Variants in PSMG4 observed in about 807,000 individuals in gnomAD.
PSMG4 encodes the protein proteasome assembly chaperone 4.
Under a neutral mutation model 11.0 loss-of-function variants are expected in PSMG4, and 10 were observed. That is an observed-to-expected ratio of 0.91 (90% CI 0.56 to 1.54). The LOEUF is 1.54. PSMG4 is among the 40% of genes most tolerant of loss of function. The pLI is 0.00. For synonymous variants in PSMG4, 95 were observed against 71.3 expected (o/e 1.33, Z -1.68); for missense variants, 198 against 160.9 (o/e 1.23, Z -1.25).
intron 2 of PSMG4, 74 bp downstream of exon 2, chr6:3,263,833 C>T (rs1168111430): frequency 1.5e-5 from 22 of 1,512,056 alleles, no homozygotes; most frequent in African/African-American, 1.4e-4. Flanking sequence ...GAAGCAAGTC[C>T]CTTCGGAAGT....
intron 2 of PSMG4, chr6:3,267,161 T>A (rs1203072776): frequency 7.7e-6 from 1 of 129,366 alleles, no homozygotes; most frequent in Non-Finnish European, 1.6e-5. Context: ...GGCCATTTTT[T>A]GTGTTTAAAT....
chr6:3,265,279 G>A (rs552179229), intron 2 of PSMG4: 32 of 44,384 alleles, frequency 7.2e-4, no homozygotes, highest in African/African-American at 2.0e-3. Flanking sequence ...GGGCCCTCAA[G>A]TTGAAAATGC....
In PSMG4 at chr6:3,263,750, C is replaced by T. The variant is rs1044985944; in HGVS notation, c.241C>T (p.Gln81Ter). Residue 81 changes from glutamine (Q) to a stop codon, truncating the protein, a stop_gained, in exon 2 of 3, where the codon CAG (glutamine) becomes TAG (stop). Coordinates refer to ENST00000438998, the MANE Select transcript of PSMG4 (RefSeq NM_001128591.2). LOFTEE classifies it high-confidence loss of function. Reference protein sequence around the residue: ...TSDTTSTGLAQRLARKTNKQV... With the variant: ...TSDTTSTGLA The stretch of plus-strand genomic sequence containing the variant: ...CGACACGACCTCTACTGGCCTTGCC[C>T]AGCGCCTAGGTATGTACCCACAGCT... 5.2e-6 allele frequency: 8 copies of T among 1,551,264 alleles called. No homozygotes were observed. The highest frequency in any genetic ancestry group is 1.2e-5 in the South Asian group (1 of 84,014).
chr6:3,254,823 C>G (rs866992587), upstream of PSMG4, among the ~76,000 whole-genome samples: 1 of 152,094 alleles, frequency 6.6e-6, no homozygotes, highest in East Asian at 1.9e-4. Flanking sequence ...CAATTCTGGA[C>G]ACAGTGGGAC....
chr6:3,267,187 T>TAA (rs1259743948), intron 2 of PSMG4: 1 of 124,684 alleles, frequency 8.0e-6, no homozygotes, highest in African/African-American at 3.0e-5. Context: ...TTTTTTTTTT[T>TAA]AAATCAAAAC....
Position 3,267,777 on chromosome 6 carries a change from T to C in PSMG4, c.*65T>C. 1 of 1,490,014 alleles carries C rather than the reference T, an allele frequency of 6.7e-7. No individual in the cohort carries two copies. Among genetic ancestry groups the C allele is most frequent in the Non-Finnish European group, 9.1e-7 (1 of 1,099,806 alleles). 92.3% of individuals were successfully genotyped at this position (1,490,014 alleles called of 1,614,324 possible). ...TGTACGTGTAAATAAATGGATTGAATTTCAGTTTGTCATCAGGCCGCGCTC... is the reference window on the plus strand; with the variant it reads ...TGTACGTGTAAATAAATGGATTGAACTTCAGTTTGTCATCAGGCCGCGCTC... On this transcript the variant is annotated 3_prime_UTR_variant, in exon 3 of 3. Transcript: ENST00000438998.
upstream of PSMG4, chr6:3,255,011 G>A (rs78032386): frequency 2.6e-6 from 4 of 1,544,264 alleles, no homozygotes; most frequent in Non-Finnish European, 2.6e-6. Context: ...CTCCCATGTG[G>A]GAGCGCTGGG....
upstream of PSMG4, among the ~76,000 whole-genome samples, chr6:3,257,189 G>T (rs148897081): frequency 3.4e-4 from 52 of 152,292 alleles, no homozygotes; most frequent in African/African-American, 1.3e-3. Flanking sequence ...CTTGGGTTTG[G>T]GTCAGCTCAG....
upstream of PSMG4, chr6:3,255,083 TAAG>T (rs2127251661): frequency 1.3e-6 from 2 of 1,551,042 alleles, no homozygotes; most frequent in East Asian, 2.4e-5. Context: ...CTTCTATTCC[TAAG>T]AAGTTGGCTG....
At chr6:3,255,438 C>G (rs961609664), upstream of PSMG4, among the ~76,000 whole-genome samples, 2 of 124,814 alleles carry the variant, frequency 1.6e-5, no homozygotes, top group Non-Finnish European at 3.8e-5. Context: ...GCCACATGCC[C>G]CTTCTCAGAC....
At chr6:3,257,341 A>G (rs1479773001), upstream of PSMG4, among the ~76,000 whole-genome samples, 1 of 152,074 alleles carries the variant, frequency 6.6e-6, no homozygotes, top group Non-Finnish European at 1.5e-5. Context: ...GCAAAGCTGG[A>G]GAGAGAGAGG....
intron 2 of PSMG4, 71 bp from the exon 3 acceptor site, chr6:3,267,520 A>G: frequency 6.6e-7 from 1 of 1,517,644 alleles, no homozygotes; most frequent in Non-Finnish European, 8.9e-7. Flanking sequence ...TCCCAGCTGC[A>G]CGTGGCTGTG....
Position 3,258,961 on chromosome 6 carries a change from G to A in PSMG4, c.-62G>A, listed in dbSNP as rs1757855907. On this transcript the variant is annotated 5_prime_UTR_variant, in exon 1 of 3. Coordinates refer to ENST00000438998, the MANE Select transcript of PSMG4 (RefSeq NM_001128591.2). Reference sequence around the variant, plus strand: ...TCTCGGTGCTCGCTCCATCGGGTCTGGCGGGGCTGGCAGCGGCGAGGACCC... The same window carrying A: ...TCTCGGTGCTCGCTCCATCGGGTCTAGCGGGGCTGGCAGCGGCGAGGACCC... 1 of 1,226,824 alleles carries A rather than the reference G, an allele frequency of 8.2e-7. No individual in the cohort carries two copies. Among genetic ancestry groups the A allele is most frequent in the Non-Finnish European group, 1.0e-6 (1 of 981,060 alleles). The allele number at this position is 1,226,824 out of a possible 1,614,324, so 76.0% of individuals were successfully genotyped here. A position where few individuals can be genotyped will look rare whatever the true frequency, so the allele number is the denominator to read the frequency against.
At chr6:3,263,848 C>T (rs2127262348) in intron 2 of PSMG4, 89 bp downstream of exon 2, 2 of 1,501,158 alleles carry the variant, frequency 1.3e-6, no homozygotes, top group African/African-American at 1.4e-5. Context: ...GGAAGTAAAG[C>T]ATCTTTATGC....
intron 1 of PSMG4, among the ~76,000 whole-genome samples, chr6:3,261,055 G>A (rs1326036205): frequency 1.3e-5 from 2 of 152,116 alleles, no homozygotes; most frequent in African/African-American, 4.8e-5. Context: ...AGTCCCTGTG[G>A]AATGAATGAG....
chr6:3,262,970 A>T (rs901789659), intron 1 of PSMG4, among the ~76,000 whole-genome samples: 9 of 152,130 alleles, frequency 5.9e-5, no homozygotes, highest in Admixed American at 2.0e-4. Flanking sequence ...CTAGCTAGAC[A>T]TTGTTAATGG....
At chr6:3,255,165 C>CGGCTT (rs1225933702), upstream of PSMG4, 5 of 1,550,796 alleles carry the variant, frequency 3.2e-6, no homozygotes, top group Admixed American at 7.8e-5. Flanking sequence ...GCCATACTGA[C>CGGCTT]GGCTTACATG....
rs1334880620 is a variant in PSMG4, at chr6:3,259,606, G to T, written c.174+410G>T. Among the ~76,000 whole-genome samples, 11 of 152,344 alleles carry T rather than the reference G, an allele frequency of 7.2e-5. No homozygotes were observed. The East Asian group carries it at 2.1e-3, about 29-fold the overall frequency. On this transcript the variant is annotated intron_variant, in intron 1 of 2. Coordinates refer to ENST00000438998, the MANE Select transcript of PSMG4 (RefSeq NM_001128591.2). ...GCATTTCGCACTAGGCACACATCAG[G>T]CTCTCTTCTCCAAACCTGCTCCCTC...
At chr6:3,265,915 ATTCC>A (rs1243666447) in intron 2 of PSMG4, 3 of 82,048 alleles carry the variant, frequency 3.7e-5, no homozygotes, top group Non-Finnish European at 2.3e-5. Context: ...GTCCGGACAC[ATTCC>A]TTTTTTTTTT....
Sources: gnomAD v4.1 joint callset for allele counts (sites outside exome capture counted in the v4.1 genomes callset) on GRCh38, gnomAD v4.1.1 for gene constraint, MANE v1.5 for transcripts, NCBI Gene and HGNC (gene_info 2026-07-23, HGNC 2026-07-21) for gene names.